Variants in CRMP1 observed in about 807,000 individuals in gnomAD.
CRMP1 encodes the protein collapsin response mediator protein 1.
CRMP1 carries 19 observed loss-of-function variants against 68.3 expected under a neutral mutation model. The observed-to-expected ratio is 0.28, with a 90% CI of 0.19 to 0.41. The LOEUF is 0.41. Ranked by LOEUF, CRMP1 falls within the 10% of genes least tolerant of loss-of-function variation. The probability of loss-of-function intolerance (pLI) is 1.00; values close to 1 mark genes in which losing one functional copy is unlikely to be tolerated. For synonymous variants in CRMP1, 439 were observed against 399.6 expected (o/e 1.10, Z -1.18); for missense variants, 791 against 967.4 (o/e 0.82, Z 2.42).
chr4:5,829,532 G>A (rs1720199191), intron 11 of CRMP1, among the ~76,000 whole-genome samples: 1 of 152,152 alleles, frequency 6.6e-6, no homozygotes, highest in Non-Finnish European at 1.5e-5. Flanking sequence ...CAATCAACTG[G>A]TAAAAAAGAT....
intron 12 of CRMP1, chr4:5,828,192 G>T (rs941392899): frequency 1.0e-6 from 1 of 985,278 alleles, no homozygotes; most frequent in South Asian, 4.7e-5. Flanking sequence ...TTAAGATGAC[G>T]CAGGACAGCG....
chr4:5,862,310 T>A lies in CRMP1; in HGVS notation c.471-1100A>T, dbSNP rs115908790. On this transcript the variant is annotated intron_variant, in intron 2 of 13. Coordinates refer to ENST00000324989, the MANE Select transcript of CRMP1 (RefSeq NM_001014809.3). ...CACTGCCATTGCTTATAATAACCAA[T>A]CCCTTACCCCCAGAATGTCCACCGC... 8.7e-3 allele frequency among the ~76,000 whole-genome samples: 1,287 copies of A among 147,578 alleles called. 18 individuals are homozygous for A. Among genetic ancestry groups the A allele is most frequent in the African/African-American group, 0.033 (1,228 of 37,374 alleles).
intron 8 of CRMP1, 75 bp from the exon 9 acceptor site, chr4:5,839,753 A>G: frequency 6.8e-7 from 1 of 1,475,478 alleles, no homozygotes; most frequent in Non-Finnish European, 9.1e-7. Context: ...ACAAAATTGG[A>G]AGACTGTGGA....
At chr4:5,845,854 T>A (rs963518253) in intron 6 of CRMP1, among the ~76,000 whole-genome samples, 1 of 152,130 alleles carries the variant, frequency 6.6e-6, no homozygotes, top group African/African-American at 2.4e-5. Context: ...TCTGAGGACA[T>A]TGAGTCCTCA....
rs58583102 is a variant in CRMP1 at position 5,891,175 on chromosome 4, T to TACACACACACACAC, written c.381+1400_381+1413dup. On this transcript the variant is annotated intron_variant, in intron 1 of 13. Coordinates refer to ENST00000324989, the MANE Select transcript of CRMP1 (RefSeq NM_001014809.3). This position sits in a 1 kb window ranked among gnomAD's most constrained non-coding sequence, Gnocchi z 5.2. ...TGATCACCCCACCACCACACACACATACACACACACACACACACACACACA... is the reference window on the plus strand; with the variant it reads ...TGATCACCCCACCACCACACACACATACACACACACACACACACACACACACACACACACACACA... Among the ~76,000 whole-genome samples the TACACACACACACAC allele has an allele frequency of 0.012, 1,591 of 132,012 alleles. 29 individuals are homozygous for TACACACACACACAC. Among genetic ancestry groups the TACACACACACACAC allele is most frequent in the East Asian group, 0.021 (91 of 4,306 alleles). 86.6% of individuals were successfully genotyped at this position (132,012 alleles called of 152,430 possible). A position where few individuals can be genotyped will look rare whatever the true frequency, so the allele number is the denominator to read the frequency against.
At chr4:5,871,265 A>C (rs1041872592) in intron 1 of CRMP1, among the ~76,000 whole-genome samples, 1 of 152,210 alleles carries the variant, frequency 6.6e-6, no homozygotes, top group Non-Finnish European at 1.5e-5. Context: ...TTTGCCTCTT[A>C]AACAGGCATT....
intron 5 of CRMP1, 35 bp from the exon 6 acceptor site, chr4:5,849,507 T>TAA (rs397878338): frequency 7.7e-4 from 901 of 1,168,420 alleles, no homozygotes; most frequent in Non-Finnish European, 9.0e-4. Context: ...GTGTGAGATT[T>TAA]AAAAAAAAAA....
Position 5,858,185 on chromosome 4 carries a change from C to G in CRMP1, c.656-1878G>C, listed in dbSNP as rs572963948. Among the ~76,000 whole-genome samples the G allele has an allele frequency of 8.4e-4, 128 of 152,164 alleles. No individual in the cohort carries two copies. Among genetic ancestry groups the G allele is most frequent in the African/African-American group, 3.0e-3 (124 of 41,500 alleles). On this transcript the variant is annotated intron_variant, in intron 3 of 13. Coordinates refer to ENST00000324989, the MANE Select transcript of CRMP1 (RefSeq NM_001014809.3). This position sits in a 1 kb window ranked among gnomAD's most constrained non-coding sequence, Gnocchi z 5.5. ...CTTCTGGCTTTTTCGTTCCTTTGTC[C>G]TACTTCTTTGGCTGCCGCTTCTCAA...
At chr4:5,837,050 G>T (rs1720773421) in intron 9 of CRMP1, 144 bp from the exon 10 acceptor site, 1 of 906,068 alleles carries the variant, frequency 1.1e-6, no homozygotes, top group Non-Finnish European at 1.6e-6. Context: ...TCTAGCGTGT[G>T]CCTGCACGTG....
rs1715854915 is a variant in CRMP1, at chr4:5,889,767, T to C, written c.381+2822A>G. On this transcript the variant is annotated intron_variant, in intron 1 of 13. Coordinates refer to ENST00000324989, the MANE Select transcript of CRMP1 (RefSeq NM_001014809.3). This position sits in a 1 kb window ranked among gnomAD's most constrained non-coding sequence, Gnocchi z 4.5. ...TGGTACAGCTCCCCCAGCACTGTGG[T>C]TGGGGGCTGGGGCCCTGACCTTCAC... The C allele has an allele frequency of 6.5e-7, 1 of 1,533,208 alleles. No homozygotes were observed. The highest frequency in any genetic ancestry group is 2.0e-5 in the Admixed American group (1 of 50,914). The allele number at this position is 1,533,208 out of a possible 1,614,324, so 95.0% of individuals were successfully genotyped here. A position where few individuals can be genotyped will look rare whatever the true frequency, so the allele number is the denominator to read the frequency against.
At position 5,863,093 on chromosome 4, in the gene CRMP1, C is replaced by A. The variant is rs1431467368; in HGVS notation, c.471-1883G>T. 4.7e-5 allele frequency among the ~76,000 whole-genome samples: 7 copies of A among 150,420 alleles called. No individual in the cohort carries two copies. In the Admixed American group the frequency reaches 4.7e-4, roughly 10 times the overall value. On this transcript the variant is annotated intron_variant, in intron 2 of 13. Coordinates refer to ENST00000324989, the MANE Select transcript of CRMP1 (RefSeq NM_001014809.3). ...TTCCCAAAGTGTGTGAACAAACATG[C>A]CTGACCTTTTTTCTTTTTTTCCTTT...
At position 5,828,539 on chromosome 4, in the gene CRMP1, G is replaced by A. The variant is rs762086490; in HGVS notation, c.1753C>T (p.Arg585Trp). 3.1e-6 allele frequency: 5 copies of A among 1,614,218 alleles called. No individual in the cohort carries two copies. The highest frequency in any genetic ancestry group is 1.7e-5 in the Admixed American group (1 of 60,028). ...VNKGMGRFIP[R>W]KAFPEHLYQR... ...TACAGGTGCTCCGGGAACGCCTTCC[G>A]CGGAATGAAGCGGCCCATGCCCTTG... Residue 585 changes from arginine to tryptophan, a missense_variant, in exon 12 of 14, where the codon CGG (arginine) becomes TGG (tryptophan). Physicochemically the swap from Arg to Trp is moderately radical, Grantham distance 101. This residue lies in a region of CRMP1 where 594 missense variants were observed against 763.6 expected (regional missense o/e 0.78). Coordinates refer to ENST00000324989, the MANE Select transcript of CRMP1 (RefSeq NM_001014809.3).
intron 6 of CRMP1, among the ~76,000 whole-genome samples, chr4:5,846,381 G>A (rs546592139): frequency 6.6e-6 from 1 of 152,296 alleles, no homozygotes; most frequent in East Asian, 1.9e-4. Flanking sequence ...AAACTACAGG[G>A]CCTCTGGGAA....
chr4:5,851,606 C>T, intron 4 of CRMP1, 137 bp from the exon 5 acceptor site: 1 of 813,356 alleles, frequency 1.2e-6, no homozygotes. Flanking sequence ...AGTGGGGCAC[C>T]TATCCAGCCT....
chr4:5,825,775 TGC>T lies in CRMP1; in HGVS notation c.1804-118_1804-117del. ...AACCTGAGGTCACTTCAAATGTGCA[TGC>T]ACACACACACACAACACGCACACAC... On this transcript the variant is annotated intron_variant, in intron 12 of 13. Coordinates refer to ENST00000324989, the MANE Select transcript of CRMP1 (RefSeq NM_001014809.3). The surrounding 1 kb of genome is among the most constrained non-coding windows in gnomAD (Gnocchi z 4.4). 1.0e-6 allele frequency: 1 copy of T among 967,864 alleles called. No homozygotes were observed. The highest frequency in any genetic ancestry group is 1.5e-6 in the Non-Finnish European group (1 of 652,584). The allele number at this position is 967,864 out of a possible 1,614,324, so 60.0% of individuals were successfully genotyped here.
intron 10 of CRMP1, 43 bp downstream of exon 10, chr4:5,836,722 T>C: frequency 6.2e-7 from 1 of 1,613,780 alleles, no homozygotes; most frequent in South Asian, 1.1e-5. Context: ...ACAGGGCAGG[T>C]AGAGTGTTTC....
chr4:5,886,066 A>G (rs1715564470), intron 1 of CRMP1, among the ~76,000 whole-genome samples: 1 of 152,226 alleles, frequency 6.6e-6, no homozygotes. Flanking sequence ...AGCCCCATTC[A>G]AGTGGATCCT....
chr4:5,842,844 C>T lies in CRMP1; in HGVS notation c.1032+249G>A, dbSNP rs1711882258. ...TGTCCTCCATGAGAATCCGTATCCA[C>T]TTGGGACACTGAAGCACCCACGGGG... On this transcript the variant is annotated intron_variant, in intron 7 of 13. Transcript: ENST00000324989. This position sits in a 1 kb window ranked among gnomAD's most constrained non-coding sequence, Gnocchi z 4.5. Among the ~76,000 whole-genome samples the T allele has an allele frequency of 6.6e-6, 1 of 152,204 alleles. No individual in the cohort carries two copies. The highest frequency in any genetic ancestry group is 1.5e-5 in the Non-Finnish European group (1 of 68,024).
intron 8 of CRMP1, among the ~76,000 whole-genome samples, chr4:5,839,880 C>T (rs1420908069): frequency 2.0e-5 from 3 of 152,242 alleles, no homozygotes; most frequent in African/African-American, 4.8e-5. Flanking sequence ...GTCGGCGCCC[C>T]GCCACGCGCT....
Sources: gnomAD v4.1 joint callset for allele counts (sites outside exome capture counted in the v4.1 genomes callset) on GRCh38, gnomAD v4.1.1 for gene constraint, gnomAD v4.1.1 regional missense constraint, Gnocchi (gnomAD v3.1) non-coding constraint, MANE v1.5 for transcripts, NCBI Gene and HGNC (gene_info 2026-07-23, HGNC 2026-07-21) for gene names.